Variants in SEMA4G observed in about 807,000 individuals in gnomAD.
SEMA4G encodes the protein semaphorin 4G.
A neutral mutation model predicts 81.2 loss-of-function variants in SEMA4G; 59 were observed. The ratio of observed to expected loss-of-function variants is 0.73; its 90% CI spans 0.59 to 0.90. The LOEUF is 0.90. SEMA4G is among the 40% of genes least tolerant of loss of function. SEMA4G has a pLI of 0.00. For synonymous variants in SEMA4G, 404 were observed against 433.9 expected, an observed-to-expected ratio of 0.93 and a Z score of 0.86; for missense variants, 952 against 1,102.3, an observed-to-expected ratio of 0.86 and a Z score of 1.93.
chr10:100,984,801 G>A, exon 14 of SEMA4G: 2 of 1,535,216 alleles, frequency 1.3e-6, no homozygotes, highest in Non-Finnish European at 1.7e-6. Flanking sequence ...CCAGCCTGGG[G>A]AGGTAAGACT....
chr10:100,984,795 C>G (rs1403242646), exon 14 of SEMA4G: 1 of 1,535,626 alleles, frequency 6.5e-7, no homozygotes, highest in Non-Finnish European at 8.7e-7. Flanking sequence ...AACGGGCCAG[C>G]CTGGGGAGGT....
rs773347660 is a variant in SEMA4G, at chr10:100,977,628, A to G, written c.337-4A>G. 5.0e-6 allele frequency: 8 copies of G among 1,613,432 alleles called. No individual in the cohort carries two copies. Among genetic ancestry groups the G allele is most frequent in the Non-Finnish European group, 5.1e-6 (6 of 1,179,486 alleles). ...CTCACAGCCCTCTCCACCTCATCCC[A>G]CAGACGGAGTGCTTTAACCATGTGC... On this transcript the variant is annotated splice_region_variant and splice_polypyrimidine_tract_variant and intron_variant, in intron 3 of 13. Coordinates refer to ENST00000370250, the Ensembl canonical transcript of SEMA4G.
chr10:100,978,551 G>A (rs775330142), exon 6 of SEMA4G: 11 of 1,614,130 alleles, frequency 6.8e-6, no homozygotes, highest in Non-Finnish European at 8.5e-6. Flanking sequence ...ACAGCCACTA[G>A]GTATGAATTC....
Position 100,973,372 on chromosome 10 carries a change from G to T in SEMA4G, c.273+95G>T. On this transcript the variant is annotated intron_variant, in intron 2 of 13. Coordinates refer to ENST00000370250, the Ensembl canonical transcript of SEMA4G. The surrounding 1 kb of genome is among the most constrained non-coding windows in gnomAD (Gnocchi z 5.5). ...CTTAAAACCCTGCCAGCCTTCCATA[G>T]CCCCCTGGTCAGACAGCACTGCCCT... 1 of 1,516,360 alleles carries T rather than the reference G, an allele frequency of 6.6e-7. No individual in the cohort carries two copies. The allele number at this position is 1,516,360 out of a possible 1,614,324, so 93.9% of individuals were successfully genotyped here.
intron 8 of SEMA4G, 144 bp downstream of exon 9, chr10:100,979,415 G>C (rs1350798901): frequency 6.4e-7 from 1 of 1,568,528 alleles, no homozygotes; most frequent in Non-Finnish European, 8.6e-7. Flanking sequence ...AGGGAGTCTT[G>C]CTCTGTTGCC....
chr10:100,983,690 C>T (rs749539011), exon 14 of SEMA4G: 6 of 1,613,586 alleles, frequency 3.7e-6, no homozygotes, highest in Non-Finnish European at 5.1e-6. Flanking sequence ...TCATCCTGGC[C>T]TCCTCCCTCC....
chr10:100,979,422 T>C (rs1448878281), intron 8 of SEMA4G, 151 bp downstream of exon 9: 2 of 1,557,826 alleles, frequency 1.3e-6, no homozygotes, highest in South Asian at 1.2e-5. Context: ...CTTGCTCTGT[T>C]GCCAGGCTGG....
chr10:100,974,654 G>A (rs1850726328), intron 3 of SEMA4G, among the ~76,000 whole-genome samples: 1 of 152,190 alleles, frequency 6.6e-6, no homozygotes, highest in African/African-American at 2.4e-5. Flanking sequence ...CCTGCATTTT[G>A]CAGATGAGAA....
exon 1 of SEMA4G, chr10:100,972,839 C>A: frequency 6.6e-7 from 1 of 1,517,714 alleles, no homozygotes; most frequent in Non-Finnish European, 8.9e-7. Context: ...GACTGTGCTT[C>A]CCATTCCCCG....
At position 100,973,524 on chromosome 10, in the gene SEMA4G, C is replaced by A. The variant is rs1262591302; in HGVS notation, c.274-23C>A. 1 of 1,612,022 alleles carries A rather than the reference C, an allele frequency of 6.2e-7. No individual in the cohort carries two copies. Among genetic ancestry groups the A allele is most frequent in the South Asian group, 1.1e-5 (1 of 91,006 alleles). ...ATAGGTATTGGGGTCAGTGCATCAG[C>A]CTATTCCCTTTGCCTCCACTAGATC... On this transcript the variant is annotated intron_variant, in intron 2 of 13. Coordinates refer to ENST00000370250, the Ensembl canonical transcript of SEMA4G. The surrounding 1 kb of genome is among the most constrained non-coding windows in gnomAD (Gnocchi z 5.5).
intron 4 of SEMA4G, chr10:100,978,047 G>T (rs1850878002): frequency 3.5e-6 from 2 of 576,404 alleles, no homozygotes; most frequent in Non-Finnish European, 3.1e-6. Context: ...TAGGGGCTCA[G>T]ATGTTCTTCA....
intron 3 of SEMA4G, among the ~76,000 whole-genome samples, chr10:100,974,338 A>G (rs572642441): frequency 6.6e-6 from 1 of 152,110 alleles, no homozygotes; most frequent in East Asian, 2.0e-4. Context: ...GCTGGCGTGC[A>G]CCTGTAGTCC....
chr10:100,979,256 C>G, exon 8 of SEMA4G: 1 of 1,614,168 alleles, frequency 6.2e-7, no homozygotes, highest in Non-Finnish European at 8.5e-7. Flanking sequence ...GCAGCCTTCA[C>G]GCTGAGCACA....
At chr10:100,971,874 G>A (rs1346176618), upstream of SEMA4G, among the ~76,000 whole-genome samples, 1 of 152,138 alleles carries the variant, frequency 6.6e-6, no homozygotes, top group Non-Finnish European at 1.5e-5. Flanking sequence ...CTTCTGCACA[G>A]ACATTATACC....
rs780182850 is a variant in SEMA4G, at chr10:100,980,882, C to T, written c.1528C>T (p.Arg510Cys). The T allele has an allele frequency of 9.9e-6, 16 of 1,610,204 alleles. No homozygotes were observed. The South Asian group carries it at 1.1e-4, about 11-fold the overall frequency. Residue 510 changes from arginine to cysteine, a missense_variant, in exon 12 of 14, where the codon CGC becomes TGC. Around this residue, in one of 3 missense-constraint regions of SEMA4G, gnomAD observed 131 missense variants for 200.7 expected, o/e 0.65. Coordinates refer to ENST00000370250, the Ensembl canonical transcript of SEMA4G. ...CCAGCTACCACTCTCCAGCTGCTCC[C>T]GCTACCGATCCTGCTATGACTGCAT... is the stretch of plus-strand genomic sequence containing the variant.
At chr10:100,976,274 A>C (rs1850781541) in intron 3 of SEMA4G, among the ~76,000 whole-genome samples, 1 of 152,186 alleles carries the variant, frequency 6.6e-6, no homozygotes, top group African/African-American at 2.4e-5. Context: ...GTGAGACCAG[A>C]GGAATGGGCA....
intron 13 of SEMA4G, among the ~76,000 whole-genome samples, chr10:100,981,892 T>C (rs1851096209): frequency 6.6e-6 from 1 of 151,648 alleles, no homozygotes; most frequent in Non-Finnish European, 1.5e-5. Context: ...ACCCCATCTC[T>C]ACAAAAAATA....
chr10:100,978,626 T>C, exon 6 of SEMA4G: 1 of 1,613,822 alleles, frequency 6.2e-7, no homozygotes, highest in Non-Finnish European at 8.5e-7. Context: ...GAGACACCAA[T>C]GCATTGGCTC....
intron 3 of SEMA4G, among the ~76,000 whole-genome samples, chr10:100,974,647 G>A (rs1338456883): frequency 1.3e-5 from 2 of 152,184 alleles, no homozygotes; most frequent in Non-Finnish European, 2.9e-5. Flanking sequence ...GTATTATCCT[G>A]CATTTTGCAG....
Sources: allele counts gnomAD v4.1 joint callset (sites outside exome capture counted in the v4.1 genomes callset), GRCh38; gene constraint gnomAD v4.1.1; regional missense constraint gnomAD v4.1.1; non-coding constraint Gnocchi (gnomAD v3.1); transcripts MANE v1.5; gene names NCBI Gene and HGNC (gene_info 2026-07-23, HGNC 2026-07-21).